LCORL: variants seen among roughly 807,000 people sequenced by gnomAD.
LCORL encodes the protein ligand-dependent nuclear receptor corepressor-like protein.
LCORL carries 41 observed loss-of-function variants against 141.8 expected under a neutral mutation model. The ratio of observed to expected loss-of-function variants is 0.29; its 90% CI spans 0.23 to 0.38. The LOEUF (loss-of-function observed/expected upper bound fraction) is 0.38, where lower values mean the gene tolerates loss of function less well. Among genes scored for constraint, LCORL ranks in the 10% least tolerant of loss-of-function variants. The probability of loss-of-function intolerance (pLI) is 1.00; values close to 1 mark genes in which losing one functional copy is unlikely to be tolerated. For synonymous variants in LCORL, 618 were observed against 694.1 expected (o/e 0.89, Z 1.72); for missense variants, 1,759 against 2,035.0 (o/e 0.86, Z 2.61).
At chr4:17,877,500 T>C (rs770032776) in exon 7 of LCORL, 95 of 1,230,038 alleles carry the variant, frequency 7.7e-5, no homozygotes, top group Non-Finnish European at 9.0e-5. Flanking sequence ...TTTTTTAGTT[T>C]TAAGTATTTT....
intron 4 of LCORL, among the ~76,000 whole-genome samples, chr4:17,956,320 GGAAAA>G (rs1202928053): frequency 2.0e-5 from 3 of 151,998 alleles, no homozygotes; most frequent in African/African-American, 7.2e-5. Context: ...TCTACCCAAA[GGAAAA>G]GAAATCAGTA....
chr4:17,845,141 CCA>C (rs1471915893), exon 8 of LCORL: 1 of 152,360 alleles, frequency 6.6e-6, no homozygotes, highest in African/African-American at 2.4e-5. Context: ...CTCTTAAAGC[CCA>C]CAGACTTAGA....
At chr4:17,930,227 G>A (rs1735788490) in intron 4 of LCORL, among the ~76,000 whole-genome samples, 1 of 152,210 alleles carries the variant, frequency 6.6e-6, no homozygotes, top group Non-Finnish European at 1.5e-5. Context: ...ATAAGCCAGA[G>A]GAAGTGGTAG....
chr4:17,861,893 C>T (rs1376089852), intron 7 of LCORL, among the ~76,000 whole-genome samples: 1 of 152,168 alleles, frequency 6.6e-6, no homozygotes, highest in Non-Finnish European at 1.5e-5. Context: ...CTCCAGTTTC[C>T]AACAAGTTCC....
intron 5 of LCORL, among the ~76,000 whole-genome samples, chr4:17,887,119 G>A (rs1728378238): frequency 6.6e-6 from 1 of 151,756 alleles, no homozygotes; most frequent in Non-Finnish European, 1.5e-5. Context: ...ATACAAAGAT[G>A]AAAAATAAAA....
chr4:17,916,643 CTTTTTTTTTTTTTT>C (rs1057287592), intron 4 of LCORL, among the ~76,000 whole-genome samples: 24 of 113,126 alleles, frequency 2.1e-4, no homozygotes, highest in African/African-American at 8.0e-4. Flanking sequence ...AATTAAATGT[CTTTTTTTTTTTTTT>C]TTTTTTTTTT....
chr4:17,883,741 T>C (rs1727911447), intron 6 of LCORL: 14 of 1,541,590 alleles, frequency 9.1e-6, no homozygotes, highest in South Asian at 3.6e-5. Context: ...TGCTGCTGTT[T>C]TTGCAGCTGC....
At chr4:17,965,551 AAACT>A (rs1384564645) in intron 2 of LCORL, among the ~76,000 whole-genome samples, 3 of 152,154 alleles carry the variant, frequency 2.0e-5, no homozygotes, top group Admixed American at 2.0e-4. Context: ...GTCATAATTA[AAACT>A]AATAGTCAAT....
At position 17,885,537 on chromosome 4, in the gene LCORL, G is replaced by T. The variant is rs376880762; in HGVS notation, c.776+531C>A. On this transcript the variant is annotated intron_variant, in intron 6 of 7. Coordinates refer to ENST00000635767, the Ensembl canonical transcript of LCORL. The stretch of plus-strand genomic sequence containing the variant: ...AAAAATCCAAAAATCCAACAGAACA[G>T]CATTTCACTACTAATTATTTATTTA... Among the ~76,000 whole-genome samples the T allele has an allele frequency of 3.0e-4, 45 of 151,792 alleles. 2 individuals carry two copies. In the East Asian group the frequency reaches 5.6e-3, roughly 19 times the overall value.
At position 17,884,326 on chromosome 4, in the gene LCORL, G is replaced by A. The variant is rs147396791; in HGVS notation, c.776+1742C>T. On this transcript the variant is annotated intron_variant, in intron 6 of 7. Coordinates refer to ENST00000635767, the Ensembl canonical transcript of LCORL. This position sits in a 1 kb window ranked among gnomAD's most constrained non-coding sequence, Gnocchi z 4.4. ...CAGTAGGATTTGAAGTTTCATATTG[G>A]AGGCTTTCATTTTTTTCTTTAAACT... 6.5e-7 allele frequency: 1 copy of A among 1,547,766 alleles called. No homozygotes were observed. The highest frequency in any genetic ancestry group is 8.7e-7 in the Non-Finnish European group (1 of 1,145,728).
chr4:17,866,500 T>C (rs917971043), intron 7 of LCORL, among the ~76,000 whole-genome samples: 1 of 152,172 alleles, frequency 6.6e-6, no homozygotes, highest in African/African-American at 2.4e-5. Context: ...AAAAAGAGTT[T>C]ATAGGTACAG....
At chr4:17,897,213 C>CTTTTTTTTT (rs761784734) in intron 5 of LCORL, among the ~76,000 whole-genome samples, 2 of 63,996 alleles carry the variant, frequency 3.1e-5, no homozygotes, top group African/African-American at 1.2e-4. Context: ...ATACTGATTT[C>CTTTTTTTTT]TTTTTTTTTT....
exon 7 of LCORL, chr4:17,876,054 G>C (rs1379500120): frequency 8.1e-7 from 1 of 1,230,942 alleles, no homozygotes; most frequent in Non-Finnish European, 1.0e-6. Flanking sequence ...GCCAACTGAA[G>C]TTAAAGTATA....
At position 17,884,549 on chromosome 4, in the gene LCORL, G is replaced by C; in HGVS notation, c.776+1519C>G. On this transcript the variant is annotated intron_variant, in intron 6 of 7. Transcript: ENST00000635767. The surrounding 1 kb of genome is among the most constrained non-coding windows in gnomAD (Gnocchi z 4.4). The stretch of plus-strand genomic sequence containing the variant: ...TGAATAACTATCATGGAAATCTCGA[G>C]TTTTGTTTTTAAAAGATGCAGGCTT... 1 of 1,535,238 alleles carries C rather than the reference G, an allele frequency of 6.5e-7. No individual in the cohort carries two copies. Among genetic ancestry groups the C allele is most frequent in the Non-Finnish European group, 8.8e-7 (1 of 1,141,798 alleles).
chr4:17,959,080 G>A (rs1349319941), intron 4 of LCORL, among the ~76,000 whole-genome samples: 2 of 152,058 alleles, frequency 1.3e-5, no homozygotes, highest in African/African-American at 4.8e-5. Flanking sequence ...CTGTATTTAA[G>A]TAATACGCTT....
intron 1 of LCORL, among the ~76,000 whole-genome samples, chr4:18,007,838 G>C (rs1723068757): frequency 6.6e-6 from 1 of 152,094 alleles, no homozygotes. Flanking sequence ...AGACAAGCAA[G>C]CTAATATGTA....
At chr4:17,937,817 C>T (rs970634783) in intron 4 of LCORL, among the ~76,000 whole-genome samples, 1 of 152,038 alleles carries the variant, frequency 6.6e-6, no homozygotes, top group Admixed American at 6.6e-5. Flanking sequence ...AAGGGCAATA[C>T]AATAGAACAA....
chr4:18,012,954 T>C (rs1724041225), intron 1 of LCORL, among the ~76,000 whole-genome samples: 1 of 152,174 alleles, frequency 6.6e-6, no homozygotes, highest in Admixed American at 6.5e-5. Flanking sequence ...AAAATATAGC[T>C]CTTAAATTAG....
chr4:17,852,191 C>T (rs1723806744), intron 7 of LCORL, among the ~76,000 whole-genome samples: 2 of 152,248 alleles, frequency 1.3e-5, no homozygotes, highest in South Asian at 2.1e-4. Flanking sequence ...AAAGCAGCAG[C>T]AGTTAAGTCA....
Sources: allele counts gnomAD v4.1 joint callset (sites outside exome capture counted in the v4.1 genomes callset), GRCh38; gene constraint gnomAD v4.1.1; non-coding constraint Gnocchi (gnomAD v3.1); transcripts MANE v1.5; gene names NCBI Gene and HGNC (gene_info 2026-07-23, HGNC 2026-07-21).